Variants in MALRD1 observed in about 807,000 individuals in gnomAD.
MALRD1 encodes the protein MAM and LDL receptor class A domain containing 1, also known as MAM and LDL-receptor class A domain-containing protein 1.
A neutral mutation model predicts 242.1 loss-of-function variants in MALRD1; 247 were observed. The observed-to-expected ratio is 1.02, with a 90% CI of 0.92 to 1.13. The LOEUF is 1.13. Among genes scored for constraint, MALRD1 ranks in the 50% most tolerant of loss-of-function variants. The pLI is 0.00. For synonymous variants in MALRD1, 995 were observed against 866.6 expected (o/e 1.15, Z -2.60); for missense variants, 2,989 against 2,533.1 (o/e 1.18, Z -3.86).
At chr10:19,373,572 G>C (rs1845480043) in intron 26 of MALRD1, among the ~76,000 whole-genome samples, 1 of 151,854 alleles carries the variant, frequency 6.6e-6, no homozygotes, top group African/African-American at 2.4e-5. Flanking sequence ...AGAAGGGAGA[G>C]AGGGAGGGAT....
chr10:19,279,936 T>G (rs976310801), intron 19 of MALRD1, 111 bp from the exon 20 acceptor site: 1 of 837,528 alleles, frequency 1.2e-6, no homozygotes. Flanking sequence ...TACCCACTGT[T>G]CTCTATGATA....
intron 21 of MALRD1, among the ~76,000 whole-genome samples, chr10:19,302,430 T>C (rs1279208644): frequency 1.3e-5 from 2 of 151,800 alleles, no homozygotes; most frequent in African/African-American, 2.4e-5. Context: ...GTTATATCCG[T>C]ATAAGGAAAT....
chr10:19,570,180 A>G (rs533359244), intron 33 of MALRD1, among the ~76,000 whole-genome samples: 1 of 152,122 alleles, frequency 6.6e-6, no homozygotes, highest in Non-Finnish European at 1.5e-5. Flanking sequence ...CCCAAGCCCC[A>G]TTCTCTCCTC....
chr10:19,433,019 C>T (rs1039342827), intron 28 of MALRD1, among the ~76,000 whole-genome samples: 1 of 152,202 alleles, frequency 6.6e-6, no homozygotes, highest in South Asian at 2.1e-4. Flanking sequence ...ATAGATACAG[C>T]TATTCCACTT....
intron 20 of MALRD1, among the ~76,000 whole-genome samples, chr10:19,281,542 T>C (rs1840810911): frequency 6.6e-6 from 1 of 152,182 alleles, no homozygotes; most frequent in African/African-American, 2.4e-5. Context: ...TGAACAAATA[T>C]AAATGAATTA....
chr10:19,574,529 T>C (rs1836710617), intron 33 of MALRD1, among the ~76,000 whole-genome samples: 1 of 152,072 alleles, frequency 6.6e-6, no homozygotes, highest in African/African-American at 2.4e-5. Flanking sequence ...AGAGAGAGAA[T>C]GAATTTTGTG....
intron 2 of MALRD1, among the ~76,000 whole-genome samples, chr10:19,085,896 G>T (rs970723940): frequency 6.6e-6 from 1 of 151,798 alleles, no homozygotes; most frequent in Non-Finnish European, 1.5e-5. Context: ...ATTTAGAGCC[G>T]ACTGAATGCT....
chr10:19,243,043 C>G (rs1218152357), intron 18 of MALRD1, among the ~76,000 whole-genome samples: 1 of 148,812 alleles, frequency 6.7e-6, no homozygotes, highest in South Asian at 2.1e-4. Flanking sequence ...TTCTGTGGTG[C>G]TAAGCTTTGT....
At chr10:19,535,775 G>A (rs1446463824) in intron 32 of MALRD1, among the ~76,000 whole-genome samples, 3 of 151,998 alleles carry the variant, frequency 2.0e-5, no homozygotes, top group African/African-American at 7.3e-5. Flanking sequence ...CTCATATTTG[G>A]AAGGGTTGAG....
Position 19,555,648 on chromosome 10 carries a change from C to G in MALRD1, c.5479-11854C>G, listed in dbSNP as rs535124661. ...GTAGGGGAGACAGAGCTTGAGAAAA[C>G]GTCTACACCATTGTAAAGACATTCT... On this transcript the variant is annotated intron_variant, in intron 32 of 39. Coordinates refer to ENST00000454679, the MANE Select transcript of MALRD1 (RefSeq NM_001142308.3). Among the ~76,000 whole-genome samples the G allele has an allele frequency of 2.7e-3, 404 of 152,074 alleles. 8 individuals are homozygous for G. Among genetic ancestry groups the G allele is most frequent in the Non-Finnish European group, 2.0e-3 (136 of 67,974 alleles).
At chr10:19,292,693 C>T (rs961984016) in intron 21 of MALRD1, among the ~76,000 whole-genome samples, 1 of 151,886 alleles carries the variant, frequency 6.6e-6, no homozygotes, top group African/African-American at 2.4e-5. Context: ...GAGATCGAGA[C>T]CACCCTGGCT....
chr10:19,084,229 T>C (rs1256316317), intron 2 of MALRD1, among the ~76,000 whole-genome samples: 1 of 151,958 alleles, frequency 6.6e-6, no homozygotes, highest in African/African-American at 2.4e-5. Context: ...GGAAACAGAA[T>C]TTAATAAATA....
chr10:19,212,167 A>G (rs868395862), intron 18 of MALRD1, among the ~76,000 whole-genome samples: 1 of 152,200 alleles, frequency 6.6e-6, no homozygotes, highest in South Asian at 2.1e-4. Context: ...AGAAACCATC[A>G]GCACACAACC....
At chr10:19,603,195 T>G (rs1838448322) in intron 34 of MALRD1, among the ~76,000 whole-genome samples, 1 of 152,230 alleles carries the variant, frequency 6.6e-6, no homozygotes, top group South Asian at 2.1e-4. Context: ...CTCTTTAGTT[T>G]AATTAGATCT....
chr10:19,722,382 A>G (rs1834800629), intron 38 of MALRD1: 1 of 152,094 alleles, frequency 6.6e-6, no homozygotes, highest in African/African-American at 2.4e-5. Context: ...TTGAGGCTAG[A>G]AGTTCAAGAC....
At chr10:19,436,041 A>T (rs1834337562) in intron 28 of MALRD1, among the ~76,000 whole-genome samples, 1 of 152,136 alleles carries the variant, frequency 6.6e-6, no homozygotes, top group African/African-American at 2.4e-5. Context: ...CAGCACCTGT[A>T]TCACCTGATG....
Position 19,066,878 on chromosome 10 carries a change from T to C in MALRD1, c.340+19T>C. 8.1e-7 allele frequency: 1 copy of C among 1,232,910 alleles called. No individual in the cohort carries two copies. The highest frequency in any genetic ancestry group is 1.0e-6 in the Non-Finnish European group (1 of 987,384). The allele number at this position is 1,232,910 out of a possible 1,614,324, so 76.4% of individuals were successfully genotyped here. A position where few individuals can be genotyped will look rare whatever the true frequency, so the allele number is the denominator to read the frequency against. On this transcript the variant is annotated intron_variant, in intron 2 of 39. Coordinates refer to ENST00000454679, the MANE Select transcript of MALRD1 (RefSeq NM_001142308.3). ...GTGTCTGGTAAATGCTTTAAATTTA[T>C]TTTCTCCCCTCTCTCCCTTCCTCCT...
intron 21 of MALRD1, among the ~76,000 whole-genome samples, chr10:19,315,610 A>ATTATAAC (rs1842661332): frequency 1.2e-5 from 1 of 85,832 alleles, no homozygotes. Context: ...TAAATTATAA[A>ATTATAAC]TATTTATATA....
chr10:19,507,944 G>T (rs1366966974), intron 31 of MALRD1, among the ~76,000 whole-genome samples: 1 of 152,150 alleles, frequency 6.6e-6, no homozygotes, highest in Non-Finnish European at 1.5e-5. Context: ...ACTATTCTAG[G>T]TGCTTGGAAT....
Sources: allele counts gnomAD v4.1 joint callset (sites outside exome capture counted in the v4.1 genomes callset), GRCh38; gene constraint gnomAD v4.1.1; transcripts MANE v1.5; gene names NCBI Gene and HGNC (gene_info 2026-07-23, HGNC 2026-07-21).